ZNF106: variants seen among roughly 807,000 people sequenced by gnomAD.
ZNF106 encodes the protein zinc finger protein 106, also known as SH3-domain binding protein 3.
ZNF106 carries 67 observed loss-of-function variants against 195.1 expected under a neutral mutation model. That is an observed-to-expected ratio of 0.34 (90% CI 0.28 to 0.42). The LOEUF (loss-of-function observed/expected upper bound fraction) is 0.42. Among genes scored for constraint, ZNF106 ranks in the 10% least tolerant of loss-of-function variants. The pLI is 1.00. For synonymous variants in ZNF106, 784 were observed against 818.6 expected (o/e 0.96, Z 0.72); for missense variants, 2,118 against 2,304.5 (o/e 0.92, Z 1.66).
intron 10 of ZNF106, among the ~76,000 whole-genome samples, chr15:42,440,702 G>A (rs1025205134): frequency 6.6e-6 from 1 of 151,710 alleles, no homozygotes; most frequent in Non-Finnish European, 1.5e-5. Context: ...TATGCTAGGG[G>A]CTGGGCAAGG....
rs777889549 is a variant in ZNF106, at chr15:42,450,049, T to C, written c.2223A>G (p.Glu741=). The change falls in exon 5 of 22, where the codon GAA becomes GAG. Residue 741 remains glutamate (E), a synonymous_variant. Transcript: ENST00000564754. ...AGGCAGGAAAGCCAAGCTTACTTAGTTCAGGCAGGAGAGGGCCCGAGGGCT... is the reference window on the plus strand; with the variant it reads ...AGGCAGGAAAGCCAAGCTTACTTAGCTCAGGCAGGAGAGGGCCCGAGGGCT... The part of the protein sequence containing the change: ...ISQPSGPLLP[E]LSKLGFPASL... 1.3e-5 allele frequency: 21 copies of C among 1,614,096 alleles called. No individual in the cohort carries two copies. The highest frequency in any genetic ancestry group is 1.7e-5 in the Non-Finnish European group (20 of 1,180,040).
chr15:42,486,012 T>C (rs906370742), intron 1 of ZNF106, among the ~76,000 whole-genome samples: 4 of 150,672 alleles, frequency 2.7e-5, no homozygotes, highest in Admixed American at 1.3e-4. Context: ...GGCTGGAGTG[T>C]GGTGGCATGA....
At chr15:42,452,681 C>CTTTTTTTTTTTTTTTTTTTTT (rs1322441388) in intron 4 of ZNF106, among the ~76,000 whole-genome samples, 1 of 101,900 alleles carries the variant, frequency 9.8e-6, no homozygotes, top group African/African-American at 4.1e-5. Context: ...CTATAGTTAT[C>CTTTTTTTTTTTTTTTTTTTTT]TTTTTTTTTT....
intron 19 of ZNF106, among the ~76,000 whole-genome samples, chr15:42,421,426 G>T (rs2054653850): frequency 6.6e-6 from 1 of 152,094 alleles, no homozygotes; most frequent in Non-Finnish European, 1.5e-5. Flanking sequence ...TCTATCGGGT[G>T]CTCTATGTTA....
At chr15:42,470,030 G>T (rs1274087078) in intron 2 of ZNF106, among the ~76,000 whole-genome samples, 1 of 151,954 alleles carries the variant, frequency 6.6e-6, no homozygotes, top group African/African-American at 2.4e-5. Context: ...GGGGAGGGGG[G>T]ACTCATGGTT....
chr15:42,419,718 G>A (rs1162692931), intron 20 of ZNF106, among the ~76,000 whole-genome samples: 3 of 152,162 alleles, frequency 2.0e-5, no homozygotes, highest in Admixed American at 6.5e-5. Flanking sequence ...TTGGGAGGCC[G>A]AGGCAGGTGG....
At chr15:42,434,128 T>C (rs1331632221) in intron 14 of ZNF106, among the ~76,000 whole-genome samples, 2 of 152,114 alleles carry the variant, frequency 1.3e-5, no homozygotes, top group African/African-American at 4.8e-5. Flanking sequence ...ATTACAGACA[T>C]GAACCATAGT....
At chr15:42,473,019 A>AG (rs1216105328) in intron 1 of ZNF106, among the ~76,000 whole-genome samples, 1 of 152,044 alleles carries the variant, frequency 6.6e-6, no homozygotes, top group East Asian at 1.9e-4. Context: ...AAAAAAAAAA[A>AG]AAAACAAGTT....
At chr15:42,466,481 C>T (rs1050813307) in intron 2 of ZNF106, among the ~76,000 whole-genome samples, 1 of 151,968 alleles carries the variant, frequency 6.6e-6, no homozygotes, top group Admixed American at 6.6e-5. Flanking sequence ...CTCAACTTTT[C>T]AACTATTTGG....
intron 1 of ZNF106, among the ~76,000 whole-genome samples, 172 bp from the exon 2 acceptor site, chr15:42,472,493 C>T (rs1595491194): frequency 6.6e-6 from 1 of 152,062 alleles, no homozygotes; most frequent in Non-Finnish European, 1.5e-5. Flanking sequence ...ATCCTTGATC[C>T]TTCTTTTTCA....
At position 42,413,344 on chromosome 15, in the gene ZNF106, G is replaced by C. The variant is rs2054333269; in HGVS notation, c.*3960C>G. The C allele has an allele frequency of 1.3e-5, 2 of 152,216 alleles. No homozygotes were observed. The highest frequency in any genetic ancestry group is 2.4e-5 in the African/African-American group (1 of 41,460). The allele number at this position is 152,216 out of a possible 1,614,324, so 9.4% of individuals were successfully genotyped here. On this transcript the variant is annotated 3_prime_UTR_variant, in exon 22 of 22. Transcript: ENST00000564754. ...TTCTCTTAAACCCGAGGAACCTGAT[G>C]ATTTGGGGGCAGGGATAAAACCATT...
At position 42,482,804 on chromosome 15, in the gene ZNF106, C is replaced by T. The variant is rs556989472; in HGVS notation, c.-33+8176G>A. Among the ~76,000 whole-genome samples, 12 of 152,272 alleles carry T rather than the reference C, an allele frequency of 7.9e-5. No homozygotes were observed. The East Asian group carries it at 2.3e-3, about 29-fold the overall frequency. The stretch of plus-strand genomic sequence containing the variant: ...TCGACCTCCCAAAGTGCTAGGATTA[C>T]AGGCGTGAGCCACCGCGCCCGGCAA... On this transcript the variant is annotated intron_variant, in intron 1 of 21. Transcript: ENST00000564754.
Position 42,450,989 on chromosome 15 carries a change from G to A in ZNF106, c.1283C>T (p.Thr428Ile). 6.2e-7 allele frequency: 1 copy of A among 1,614,128 alleles called. No individual in the cohort carries two copies. Among genetic ancestry groups the A allele is most frequent in the South Asian group, 1.1e-5 (1 of 91,070 alleles). ...DETRNSPTQK[T>I]QKEIHTGSLN... is the part of the protein sequence containing the mutation. ...AGATCCAGTATGTATTTCTTTTTGT[G>A]TTTTCTGTGTTGGGGAATTACGTGT... The change falls in exon 5 of 22, where the codon ACA (threonine) becomes ATA (isoleucine). Residue 428 changes from threonine to isoleucine, a missense_variant. Transcript: ENST00000564754.
chr15:42,443,661 T>C lies in ZNF106; in HGVS notation c.3421+541A>G, dbSNP rs574523717. Among the ~76,000 whole-genome samples the C allele has an allele frequency of 2.1e-4, 31 of 151,142 alleles. No homozygotes were observed. The South Asian group carries it at 6.5e-3, about 32-fold the overall frequency. ...GGGAAAATTGCTTGAGCCCAGGAGGTCAAGGCTGCAGTGAGCCATGATCGT... is the reference window on the plus strand; with the variant it reads ...GGGAAAATTGCTTGAGCCCAGGAGGCCAAGGCTGCAGTGAGCCATGATCGT... On this transcript the variant is annotated intron_variant, in intron 9 of 21. Coordinates refer to ENST00000564754, the MANE Select transcript of ZNF106 (RefSeq NM_001366845.3).
chr15:42,417,405 A>T, intron 21 of ZNF106, 45 bp from the exon 22 acceptor site: 1 of 1,609,446 alleles, frequency 6.2e-7, no homozygotes, highest in Non-Finnish European at 8.5e-7. Flanking sequence ...AGTCGATAGT[A>T]AGACAGGAGA....
rs764355683 is a variant in ZNF106, at chr15:42,435,411, G to C, written c.4854C>G (p.Asp1618Glu). 31 of 1,614,198 alleles carry C rather than the reference G, an allele frequency of 1.9e-5. No homozygotes were observed. Among genetic ancestry groups the C allele is most frequent in the Non-Finnish European group, 2.6e-5 (31 of 1,180,040 alleles). ...KNAALYTGSS[D>E]HTIRCYNVKS... ...TAACATTATAGCAGCGGATGGTATG[G>C]TCACTGGACCCGGTGTAAAGGGCAG... The change falls in exon 14 of 22, where the codon GAC (aspartate) becomes GAG (glutamate). Residue 1618 changes from aspartate to glutamate, a missense_variant. Asp to Glu is a conservative substitution (Grantham distance 45, BLOSUM62 2). Coordinates refer to ENST00000564754, the MANE Select transcript of ZNF106 (RefSeq NM_001366845.3).
chr15:42,414,845 A>T lies in ZNF106; in HGVS notation c.*2459T>A, dbSNP rs775089822. ...ATCGATCCAGATGCATTTTCCCGGG[A>T]AATGACCATTCCCAAACCCACAGAA... is the stretch of plus-strand genomic sequence containing the variant. On this transcript the variant is annotated 3_prime_UTR_variant, in exon 22 of 22. Transcript: ENST00000564754. The T allele has an allele frequency of 6.6e-6, 1 of 152,224 alleles. No homozygotes were observed. Among genetic ancestry groups the T allele is most frequent in the Non-Finnish European group, 1.5e-5 (1 of 68,066 alleles). 9.4% of individuals were successfully genotyped at this position (152,224 alleles called of 1,614,324 possible).
Position 42,439,049 on chromosome 15 carries a change from CTTT to C in ZNF106, c.4525_4527del (p.Lys1509del). 2 of 1,613,474 alleles carry C rather than the reference CTTT, an allele frequency of 1.2e-6. No individual in the cohort carries two copies. Among genetic ancestry groups the C allele is most frequent in the Non-Finnish European group, 1.7e-6 (2 of 1,179,684 alleles). ...TATTCTTACCTTACAGGGATGCCAT[CTTT>C]ATAGCGAGTGCCAATTTCACTGGTA... On this transcript the variant is annotated inframe_deletion, in exon 11 of 22. Transcript: ENST00000564754.
Position 42,439,147 on chromosome 15 carries a change from T to C in ZNF106, c.4430A>G (p.Lys1477Arg). 6.2e-7 allele frequency: 1 copy of C among 1,614,146 alleles called. No individual in the cohort carries two copies. Among genetic ancestry groups the C allele is most frequent in the East Asian group, 2.2e-5 (1 of 44,882 alleles). Reference sequence around the variant, plus strand: ...TTGCTCTGTAGAGTTCCAAATATCCTTTTTAGATGGGCTGTCTGGTTTCTC... The same window carrying C: ...TTGCTCTGTAGAGTTCCAAATATCCCTTTTAGATGGGCTGTCTGGTTTCTC... Reference protein sequence around the residue: ...GEEKPDSPSKKDIWNSTEQNP... With the variant: ...GEEKPDSPSKRDIWNSTEQNP... Residue 1477 changes from lysine to arginine, a missense_variant, in exon 11 of 22, where the codon AAG becomes AGG. By Grantham distance (26) the Lys-to-Arg change is conservative (BLOSUM62 2). Coordinates refer to ENST00000564754, the MANE Select transcript of ZNF106 (RefSeq NM_001366845.3).
Sources: allele counts gnomAD v4.1 joint callset (sites outside exome capture counted in the v4.1 genomes callset), GRCh38; gene constraint gnomAD v4.1.1; transcripts MANE v1.5; gene names NCBI Gene and HGNC (gene_info 2026-07-23, HGNC 2026-07-21).